PTPRD: variants seen among roughly 807,000 people sequenced by gnomAD.
The protein encoded by PTPRD is protein tyrosine phosphatase receptor type D.
In PTPRD, 34 loss-of-function variants were observed where a neutral mutation model predicts 214.5. The observed-to-expected ratio is 0.16, with a 90% CI of 0.12 to 0.21. The LOEUF is 0.21. PTPRD is among the 10% of genes least tolerant of loss of function. The pLI is 1.00. For synonymous variants in PTPRD, 1,128 were observed against 845.7 expected (o/e 1.33, Z -5.79); for missense variants, 2,545 against 2,398.7 (o/e 1.06, Z -1.27).
intron 14 of PTPRD, among the ~76,000 whole-genome samples, chr9:8,588,057 C>G (rs777484758): frequency 6.6e-6 from 1 of 152,348 alleles, no homozygotes; most frequent in Middle Eastern, 3.4e-3. Flanking sequence ...TTAGGTAAAC[C>G]TGATCTTTGC....
At chr9:9,307,936 G>C (rs1399907782) in intron 9 of PTPRD, among the ~76,000 whole-genome samples, 2 of 152,036 alleles carry the variant, frequency 1.3e-5, no homozygotes, top group East Asian at 3.9e-4. Flanking sequence ...CTTATGCTTG[G>C]GATAACCCTC....
Position 8,757,773 on chromosome 9 carries a change from T to A in PTPRD, c.-103-23827A>T, listed in dbSNP as rs2094128267. Among the ~76,000 whole-genome samples the A allele has an allele frequency of 3.3e-5, 5 of 151,706 alleles. No homozygotes were observed. In the South Asian group the frequency reaches 1.0e-3, roughly 31 times the overall value. Reference sequence around the variant, plus strand: ...ATGTGGATATTGGTGAACTAGATAATAACAACTCATGATACTGCATTCCAA... The same window carrying A: ...ATGTGGATATTGGTGAACTAGATAAAAACAACTCATGATACTGCATTCCAA... On this transcript the variant is annotated intron_variant, in intron 11 of 45. Transcript: ENST00000381196.
intron 11 of PTPRD, among the ~76,000 whole-genome samples, chr9:8,819,087 T>C (rs937192542): frequency 2.6e-5 from 4 of 152,136 alleles, no homozygotes; most frequent in Non-Finnish European, 5.9e-5. Context: ...CTTTCAAAAT[T>C]AAAAACATAA....
At chr9:9,426,224 C>G (rs1282630763) in intron 8 of PTPRD, among the ~76,000 whole-genome samples, 2 of 152,166 alleles carry the variant, frequency 1.3e-5, no homozygotes, top group Non-Finnish European at 2.9e-5. Context: ...CTGCACTTTT[C>G]CAACAGTCTT....
At chr9:8,535,379 C>G (rs1021913774) in intron 14 of PTPRD, among the ~76,000 whole-genome samples, 4 of 151,900 alleles carry the variant, frequency 2.6e-5, no homozygotes, top group African/African-American at 9.7e-5. Flanking sequence ...GTAACCTCTG[C>G]AAAGCCAATA....
intron 2 of PTPRD, among the ~76,000 whole-genome samples, chr9:10,440,606 A>C (rs73408111): frequency 1.3e-5 from 2 of 151,734 alleles, no homozygotes; most frequent in East Asian, 3.9e-4. Flanking sequence ...AAAATCAGGA[A>C]CCACAGCAAA....
At chr9:8,572,121 T>C (rs1031021494) in intron 14 of PTPRD, among the ~76,000 whole-genome samples, 1 of 152,112 alleles carries the variant, frequency 6.6e-6, no homozygotes, top group Non-Finnish European at 1.5e-5. Flanking sequence ...AAGAGCTCAT[T>C]TAATATTAAA....
intron 5 of PTPRD, among the ~76,000 whole-genome samples, chr9:9,877,967 C>A (rs1299539067): frequency 1.6e-5 from 2 of 124,248 alleles, no homozygotes; most frequent in African/African-American, 7.1e-5. Flanking sequence ...TAGCAAAACT[C>A]CATCTCAAAA....
chr9:10,427,764 G>A (rs890254706), intron 2 of PTPRD, among the ~76,000 whole-genome samples: 1 of 151,972 alleles, frequency 6.6e-6, no homozygotes, highest in Admixed American at 6.6e-5. Context: ...CAACCCACTG[G>A]GGTGGAAAAT....
intron 4 of PTPRD, among the ~76,000 whole-genome samples, chr9:10,010,405 T>G (rs1322627422): frequency 1.4e-5 from 2 of 145,714 alleles, no homozygotes; most frequent in African/African-American, 4.9e-5. Flanking sequence ...CTTGTGTTGA[T>G]TTTTAAATTT....
intron 3 of PTPRD, among the ~76,000 whole-genome samples, chr9:10,312,423 A>G (rs1001923778): frequency 1.3e-5 from 2 of 151,972 alleles, no homozygotes; most frequent in Non-Finnish European, 2.9e-5. Flanking sequence ...TACTAACATG[A>G]AGTAGAATAT....
chr9:9,792,909 G>T (rs76403973), intron 5 of PTPRD, among the ~76,000 whole-genome samples: 1 of 152,020 alleles, frequency 6.6e-6, no homozygotes, highest in East Asian at 1.9e-4. Flanking sequence ...TAAATTTAAG[G>T]GGTATTAAAA....
chr9:9,323,074 T>C (rs1204647973), intron 9 of PTPRD, among the ~76,000 whole-genome samples: 3 of 152,148 alleles, frequency 2.0e-5, no homozygotes, highest in African/African-American at 7.2e-5. Context: ...CATTAGGGTA[T>C]TTTGAATACC....
intron 9 of PTPRD, among the ~76,000 whole-genome samples, chr9:9,285,495 C>A (rs1949068829): frequency 6.6e-6 from 1 of 151,768 alleles, no homozygotes; most frequent in Non-Finnish European, 1.5e-5. Context: ...TCATTTCTTG[C>A]TCTCTCCAGA....
At chr9:10,416,236 T>A (rs897489622) in intron 2 of PTPRD, among the ~76,000 whole-genome samples, 21 of 151,218 alleles carry the variant, frequency 1.4e-4, no homozygotes, top group African/African-American at 5.1e-4. Context: ...CATGTGCCTG[T>A]AGTCCCAGCT....
intron 30 of PTPRD, 97 bp downstream of exon 30, chr9:8,484,022 A>G: frequency 6.9e-7 from 1 of 1,441,140 alleles, no homozygotes; most frequent in Non-Finnish European, 9.4e-7. Flanking sequence ...CACTACATTA[A>G]GCAGTATCTT....
In PTPRD at chr9:10,236,136, A is replaced by C. The variant is rs1041530625; in HGVS notation, c.-545+104827T>G. 3.3e-5 allele frequency among the ~76,000 whole-genome samples: 5 copies of C among 151,942 alleles called. No individual in the cohort carries two copies. In the South Asian group the frequency reaches 1.0e-3, roughly 32 times the overall value. On this transcript the variant is annotated intron_variant, in intron 3 of 45. Transcript: ENST00000381196. ...TTACTATAACTAATTTCACGTCCTA[A>C]CCTCTGACTGTCCGAGACACAGATA...
chr9:10,103,180 T>C (rs1199766447), intron 3 of PTPRD, among the ~76,000 whole-genome samples: 1 of 151,404 alleles, frequency 6.6e-6, no homozygotes, highest in Non-Finnish European at 1.5e-5. Context: ...TCAAACAATT[T>C]TTACTTACAC....
At chr9:9,475,379 G>A (rs1363907386) in intron 8 of PTPRD, among the ~76,000 whole-genome samples, 1 of 152,112 alleles carries the variant, frequency 6.6e-6, no homozygotes, top group Non-Finnish European at 1.5e-5. Context: ...ATAACCCTAT[G>A]GCACTAACAG....
Sources: gnomAD v4.1 joint callset for allele counts (sites outside exome capture counted in the v4.1 genomes callset) on GRCh38, gnomAD v4.1.1 for gene constraint, MANE v1.5 for transcripts, NCBI Gene and HGNC (gene_info 2026-07-23, HGNC 2026-07-21) for gene names.